Variants in RERG observed in about 807,000 individuals in gnomAD.
RERG encodes the protein ras-related and estrogen-regulated growth inhibitor.
In RERG, 25 loss-of-function variants were observed where a neutral mutation model predicts 23.2. The ratio of observed to expected loss-of-function variants is 1.08; its 90% confidence interval spans 0.79 to 1.50. The LOEUF is 1.50. Among genes scored for constraint, RERG ranks in the 40% most tolerant of loss-of-function variants. The pLI is 0.00. For missense variants in RERG, 253 were observed against 250.1 expected (o/e 1.01, Z -0.08); for synonymous variants, 81 against 89.1 (o/e 0.91, Z 0.51).
chr12:15,121,023 A>T (rs2247568), intron 3 of RERG, 40 bp downstream of exon 3: 2 of 1,419,496 alleles, frequency 1.4e-6, no homozygotes, highest in Non-Finnish European at 2.0e-6. Flanking sequence ...GGGGCCATAA[A>T]TTTTTATTGA....
At chr12:15,166,562 TTGGTGGTGGTGG>T (rs1277262863) in intron 2 of RERG, among the ~76,000 whole-genome samples, 1 of 149,376 alleles carries the variant, frequency 6.7e-6, no homozygotes, top group Admixed American at 6.7e-5. Flanking sequence ...GGTGGTGGTG[TTGGTGGTGGTGG>T]TGGTGGTAGG....
chr12:15,109,408 A>T lies in RERG; in HGVS notation c.302T>A (p.Ile101Asn), dbSNP rs1453780916. 2.5e-6 allele frequency: 4 copies of T among 1,614,024 alleles called. No homozygotes were observed. Among genetic ancestry groups the T allele is most frequent in the Non-Finnish European group, 3.4e-6 (4 of 1,179,996 alleles). Residue 101 changes from isoleucine (I) to asparagine (N), a missense_variant, in exon 5 of 5, where the codon ATC becomes AAC. Coordinates refer to ENST00000256953, the MANE Select transcript of RERG (RefSeq NM_032918.3). ...SFEEVLPLKN[I>N]LDEIKKPKNV... ...CTTGGGCTTTTTGATCTCATCTAGG[A>T]TGTTCTTAAGTGGCAGCACTTCCTC... is the stretch of plus-strand genomic sequence containing the variant.
At chr12:15,175,068 A>G (rs7314224) in intron 2 of RERG, among the ~76,000 whole-genome samples, 26,426 of 151,938 alleles carry the variant, frequency 0.17, 2,574 homozygotes, top group South Asian at 0.25. Flanking sequence ...CATTTTAAAT[A>G]ATATAATGTG....
chr12:15,215,697 T>C (rs1362943683), intron 2 of RERG, among the ~76,000 whole-genome samples: 3 of 151,942 alleles, frequency 2.0e-5, no homozygotes, highest in Non-Finnish European at 4.4e-5. Context: ...AAGAAAAAGA[T>C]GAAGCAGTGG....
At chr12:15,173,989 G>A (rs1443638094) in intron 2 of RERG, among the ~76,000 whole-genome samples, 1 of 151,820 alleles carries the variant, frequency 6.6e-6, no homozygotes, top group Non-Finnish European at 1.5e-5. Flanking sequence ...TACTTATGCA[G>A]TTACCTTTAC....
intron 2 of RERG, among the ~76,000 whole-genome samples, chr12:15,164,804 G>A (rs1276727047): frequency 3.3e-5 from 5 of 152,188 alleles, no homozygotes; most frequent in African/African-American, 1.2e-4. Flanking sequence ...AGTCAAAGGT[G>A]TATGAGAATA....
chr12:15,183,896 C>T (rs1864957531), intron 2 of RERG, among the ~76,000 whole-genome samples: 1 of 152,146 alleles, frequency 6.6e-6, no homozygotes. Context: ...TCTTCATCTT[C>T]CATAAAGAGT....
chr12:15,128,099 CAT>C (rs1167092588), intron 2 of RERG, among the ~76,000 whole-genome samples: 16 of 151,144 alleles, frequency 1.1e-4, no homozygotes, highest in Admixed American at 4.6e-4. Context: ...TATAATTCTA[CAT>C]GTTTGATTTT....
intron 4 of RERG, among the ~76,000 whole-genome samples, chr12:15,110,471 T>A (rs1209130585): frequency 1.4e-5 from 1 of 71,770 alleles, no homozygotes; most frequent in African/African-American, 5.1e-5. Context: ...TTCTTTTTTT[T>A]TTTTTTTTTT....
intron 2 of RERG, among the ~76,000 whole-genome samples, chr12:15,127,133 T>A (rs1863962999): frequency 6.6e-6 from 1 of 152,210 alleles, no homozygotes; most frequent in Non-Finnish European, 1.5e-5. Flanking sequence ...CTTTTGTGTC[T>A]TCTCTGTTAT....
chr12:15,154,037 G>C (rs1234953057), intron 2 of RERG, among the ~76,000 whole-genome samples: 1 of 152,106 alleles, frequency 6.6e-6, no homozygotes. Flanking sequence ...CTAGGACAGA[G>C]GCAGGGAACA....
At chr12:15,120,614 C>G (rs1024421779) in intron 3 of RERG, among the ~76,000 whole-genome samples, 1 of 152,072 alleles carries the variant, frequency 6.6e-6, no homozygotes, top group African/African-American at 2.4e-5. Context: ...CTGTAACAGG[C>G]TTTAGTCGGA....
At chr12:15,129,468 G>A (rs1864006233) in intron 2 of RERG, among the ~76,000 whole-genome samples, 1 of 152,054 alleles carries the variant, frequency 6.6e-6, no homozygotes, top group African/African-American at 2.4e-5. Flanking sequence ...CTCCACACAT[G>A]TGACTTTCAC....
At chr12:15,183,325 C>T (rs951962414) in intron 2 of RERG, among the ~76,000 whole-genome samples, 1 of 151,962 alleles carries the variant, frequency 6.6e-6, no homozygotes, top group African/African-American at 2.4e-5. Context: ...AATCTGTAAT[C>T]AAGAAAGCTC....
At chr12:15,201,931 C>T (rs1030279418) in intron 2 of RERG, among the ~76,000 whole-genome samples, 3 of 151,590 alleles carry the variant, frequency 2.0e-5, no homozygotes, top group African/African-American at 7.3e-5. Flanking sequence ...AACACATGGT[C>T]CTGCCAACGA....
intron 2 of RERG, among the ~76,000 whole-genome samples, chr12:15,125,864 T>C (rs145757938): frequency 9.7e-4 from 148 of 151,952 alleles, no homozygotes; most frequent in Admixed American, 2.6e-3. Context: ...TTTACACATG[T>C]ATCTTTACTC....
At position 15,148,410 on chromosome 12, in the gene RERG, T is replaced by C. The variant is rs550594330; in HGVS notation, c.62-27291A>G. On this transcript the variant is annotated intron_variant, in intron 2 of 4. Coordinates refer to ENST00000256953, the MANE Select transcript of RERG (RefSeq NM_032918.3). ...AGAAGGTAGAAATGCGGGGGGGAAATGACCTAAAAAACAAACAGCAAATGA... is the reference window on the plus strand; with the variant it reads ...AGAAGGTAGAAATGCGGGGGGGAAACGACCTAAAAAACAAACAGCAAATGA... 3.9e-5 allele frequency among the ~76,000 whole-genome samples: 6 copies of C among 152,074 alleles called. No homozygotes were observed. The East Asian group carries it at 1.2e-3, about 29-fold the overall frequency.
intron 2 of RERG, among the ~76,000 whole-genome samples, chr12:15,156,159 C>T (rs575457829): frequency 6.6e-6 from 1 of 152,146 alleles, no homozygotes; most frequent in Admixed American, 6.5e-5. Flanking sequence ...CGAAAAATAA[C>T]ATTTTGAGAT....
At chr12:15,175,884 A>G (rs1426902389) in intron 2 of RERG, among the ~76,000 whole-genome samples, 10 of 152,102 alleles carry the variant, frequency 6.6e-5, no homozygotes, top group Non-Finnish European at 8.8e-5. Context: ...CATAGCTACT[A>G]TGATTGTGAG....
Sources: allele counts gnomAD v4.1 joint callset (sites outside exome capture counted in the v4.1 genomes callset), GRCh38; gene constraint gnomAD v4.1.1; transcripts MANE v1.5; gene names NCBI Gene and HGNC (gene_info 2026-07-23, HGNC 2026-07-21).